Variants in RFX3 observed in about 807,000 individuals in gnomAD.
The protein encoded by RFX3 is regulatory factor X3.
RFX3 carries 14 observed loss-of-function variants against 98.6 expected under a neutral mutation model. The ratio of observed to expected loss-of-function variants is 0.14; its 90% CI spans 0.09 to 0.22. RFX3 has a LOEUF of 0.22. Ranked by LOEUF, RFX3 falls within the 10% of genes least tolerant of loss-of-function variation. The pLI, the probability that RFX3 is intolerant of heterozygous loss-of-function variation, is 1.00. For missense variants in RFX3, 639 were observed against 926.9 expected (o/e 0.69, Z 4.03); for synonymous variants, 383 against 328.4 (o/e 1.17, Z -1.80).
chr9:3,332,005 T>C (rs1219888064), intron 3 of RFX3, among the ~76,000 whole-genome samples: 3 of 152,162 alleles, frequency 2.0e-5, no homozygotes, highest in Non-Finnish European at 4.4e-5. Context: ...CGCTTCTCAG[T>C]AGAGGGCAGC....
At chr9:3,522,684 A>G (rs1818842614) in intron 1 of RFX3, among the ~76,000 whole-genome samples, 1 of 152,142 alleles carries the variant, frequency 6.6e-6, no homozygotes, top group African/African-American at 2.4e-5. Flanking sequence ...AAATCATTAT[A>G]TTCTGCCTGC....
At chr9:3,359,199 G>C (rs923602729) in intron 2 of RFX3, among the ~76,000 whole-genome samples, 6 of 151,638 alleles carry the variant, frequency 4.0e-5, no homozygotes, top group African/African-American at 9.7e-5. Flanking sequence ...AAGCAAAGAG[G>C]GATTAAAAAA....
chr9:3,310,900 G>C (rs1159937596), intron 4 of RFX3, among the ~76,000 whole-genome samples: 1 of 152,028 alleles, frequency 6.6e-6, no homozygotes, highest in East Asian at 1.9e-4. Context: ...ATCAAAATTT[G>C]CTAAATGATT....
intron 15 of RFX3, among the ~76,000 whole-genome samples, chr9:3,234,410 G>C (rs868264050): frequency 5.9e-5 from 9 of 152,318 alleles, no homozygotes; most frequent in Middle Eastern, 6.8e-3. Context: ...AAGCACAGGT[G>C]TGCGTATTGC....
chr9:3,301,117 G>C (rs1828602928), intron 5 of RFX3, among the ~76,000 whole-genome samples: 1 of 151,826 alleles, frequency 6.6e-6, no homozygotes, highest in Non-Finnish European at 1.5e-5. Context: ...TTTATCATTG[G>C]ATTTCACATT....
chr9:3,458,942 A>C (rs1051073783), intron 1 of RFX3, among the ~76,000 whole-genome samples: 1 of 152,156 alleles, frequency 6.6e-6, no homozygotes, highest in African/African-American at 2.4e-5. Flanking sequence ...AATAGTATTG[A>C]AAACATTCCT....
intron 1 of RFX3, chr9:3,488,918 A>G (rs1387448720): frequency 2.0e-6 from 2 of 983,686 alleles, no homozygotes; most frequent in African/African-American, 1.7e-5. Context: ...CCATATATCA[A>G]ATTGAAATAA....
intron 1 of RFX3, among the ~76,000 whole-genome samples, chr9:3,503,582 G>C (rs762404056): frequency 1.3e-5 from 2 of 152,022 alleles, no homozygotes; most frequent in Non-Finnish European, 2.9e-5. Context: ...CTAGTACACA[G>C]AAAACCCCAT....
intron 13 of RFX3, among the ~76,000 whole-genome samples, chr9:3,260,995 T>C (rs1422224875): frequency 6.6e-6 from 1 of 151,550 alleles, no homozygotes; most frequent in East Asian, 1.9e-4. Flanking sequence ...TACTCTAAAA[T>C]GGATCAAGCC....
At chr9:3,250,638 G>A (rs985922484) in intron 14 of RFX3, among the ~76,000 whole-genome samples, 7 of 151,804 alleles carry the variant, frequency 4.6e-5, no homozygotes, top group Non-Finnish European at 1.5e-5. Context: ...CACAACTGCA[G>A]CACAATATTT....
At position 3,303,602 on chromosome 9, in the gene RFX3, T is replaced by C. The variant is rs531562364; in HGVS notation, c.475-1982A>G. Reference sequence around the variant, plus strand: ...GGAGAAGTCCATGCTCTCAGTTTGTTAATAAGCACTTTTCAGTTGGATAAA... The same window carrying C: ...GGAGAAGTCCATGCTCTCAGTTTGTCAATAAGCACTTTTCAGTTGGATAAA... On this transcript the variant is annotated intron_variant, in intron 4 of 16. Coordinates refer to ENST00000617270, the MANE Select transcript of RFX3 (RefSeq NM_001282116.2). Among the ~76,000 whole-genome samples the C allele has an allele frequency of 3.3e-5, 5 of 151,816 alleles. No homozygotes were observed. The Admixed American group carries it at 3.3e-4, about 10-fold the overall frequency.
chr9:3,442,065 T>C (rs1041733939), intron 1 of RFX3, among the ~76,000 whole-genome samples: 1 of 152,038 alleles, frequency 6.6e-6, no homozygotes, highest in African/African-American at 2.4e-5. Flanking sequence ...CCAGGCGTGG[T>C]GGCACGCACC....
intron 1 of RFX3, among the ~76,000 whole-genome samples, chr9:3,396,081 C>A (rs1840835316): frequency 6.6e-6 from 1 of 151,408 alleles, no homozygotes; most frequent in Non-Finnish European, 1.5e-5. Context: ...GGTACATGTG[C>A]ACAATGTGCA....
chr9:3,366,632 C>G (rs1326798889), intron 2 of RFX3, among the ~76,000 whole-genome samples: 1 of 145,376 alleles, frequency 6.9e-6, no homozygotes, highest in African/African-American at 2.6e-5. Flanking sequence ...ATTTTCTTTT[C>G]TTTTTTTTTT....
chr9:3,375,721 G>A (rs1354539415), intron 2 of RFX3, among the ~76,000 whole-genome samples: 1 of 152,150 alleles, frequency 6.6e-6, no homozygotes, highest in Non-Finnish European at 1.5e-5. Context: ...AGCACCTTGG[G>A]AGGCCAAGGC....
intron 15 of RFX3, among the ~76,000 whole-genome samples, chr9:3,230,821 G>A (rs1312601560): frequency 6.6e-6 from 1 of 152,160 alleles, no homozygotes; most frequent in African/African-American, 2.4e-5. Context: ...GTTGTTTGTA[G>A]TTAAGTTATT....
At chr9:3,426,177 A>T (rs1053127211) in intron 1 of RFX3, among the ~76,000 whole-genome samples, 5 of 152,192 alleles carry the variant, frequency 3.3e-5, no homozygotes, top group Non-Finnish European at 5.9e-5. Context: ...CATTTAACTG[A>T]AAAATTCAGT....
chr9:3,262,340 C>A (rs1823019978), intron 13 of RFX3, among the ~76,000 whole-genome samples: 1 of 152,068 alleles, frequency 6.6e-6, no homozygotes, highest in South Asian at 2.1e-4. Context: ...GTAATGTGAT[C>A]ACAAGGTTAA....
chr9:3,267,931 C>T lies in RFX3; in HGVS notation c.1358-1626G>A, dbSNP rs180872213. Among the ~76,000 whole-genome samples, 32 of 151,858 alleles carry T rather than the reference C, an allele frequency of 2.1e-4. 1 individual carries two copies. The highest frequency in any genetic ancestry group is 1.8e-3 in the Admixed American group (28 of 15,232). On this transcript the variant is annotated intron_variant, in intron 11 of 16. Coordinates refer to ENST00000617270, the MANE Select transcript of RFX3 (RefSeq NM_001282116.2). ...AATTATTTAATCTGAAAAATAACCC[C>T]CAAATCTATAAATATTACTTTAAAA...
Sources: gnomAD v4.1 joint callset for allele counts (sites outside exome capture counted in the v4.1 genomes callset) on GRCh38, gnomAD v4.1.1 for gene constraint, MANE v1.5 for transcripts, NCBI Gene and HGNC (gene_info 2026-07-23, HGNC 2026-07-21) for gene names.